EPHB1: variants seen among roughly 807,000 people sequenced by gnomAD.
EPHB1 encodes the protein ephrin type-B receptor 1.
In EPHB1, 30 loss-of-function variants were observed where a neutral mutation model predicts 94.4. That is an observed-to-expected ratio of 0.32 (90% CI 0.24 to 0.43). The LOEUF is 0.43. Among genes scored for constraint, EPHB1 ranks in the 20% least tolerant of loss-of-function variants. The pLI is 1.00. For missense variants in EPHB1, 1,055 were observed against 1,308.3 expected (o/e 0.81, Z 2.99); for synonymous variants, 522 against 489.1 (o/e 1.07, Z -0.89).
chr3:134,932,809 A>G (rs1386331101), intron 2 of EPHB1, among the ~76,000 whole-genome samples: 1 of 152,236 alleles, frequency 6.6e-6, no homozygotes, highest in East Asian at 1.9e-4. Flanking sequence ...TCCAAGAGAA[A>G]TTTAGCTCTG....
At chr3:135,156,151 A>C (rs1941347949) in intron 6 of EPHB1, among the ~76,000 whole-genome samples, 1 of 151,990 alleles carries the variant, frequency 6.6e-6, no homozygotes, top group African/African-American at 2.4e-5. Flanking sequence ...ATCTGATGTG[A>C]GGAAAGGAAC....
At chr3:134,882,774 CT>C (rs56405093) in intron 1 of EPHB1, among the ~76,000 whole-genome samples, 46 of 52,468 alleles carry the variant, frequency 8.8e-4, no homozygotes, top group East Asian at 3.0e-3. Flanking sequence ...TCCTTTCTTT[CT>C]TTCTTTCTTT....
chr3:134,820,671 G>A (rs920235780), intron 1 of EPHB1, among the ~76,000 whole-genome samples: 13 of 152,206 alleles, frequency 8.5e-5, no homozygotes, highest in African/African-American at 2.6e-4. Flanking sequence ...GTATTTATCT[G>A]TGTTTGCCTG....
At chr3:135,068,651 T>TG (rs1426872690) in intron 3 of EPHB1, among the ~76,000 whole-genome samples, 3 of 149,692 alleles carry the variant, frequency 2.0e-5, no homozygotes, top group African/African-American at 7.7e-5. Flanking sequence ...TTTTTAATTT[T>TG]TTTTTTTTTG....
intron 5 of EPHB1, among the ~76,000 whole-genome samples, chr3:135,149,857 C>T (rs1397549578): frequency 1.3e-5 from 2 of 152,168 alleles, no homozygotes; most frequent in Non-Finnish European, 2.9e-5. Flanking sequence ...TTCCCAGACC[C>T]GAGTGCCGCT....
intron 11 of EPHB1, among the ~76,000 whole-genome samples, chr3:135,197,139 G>A (rs551954955): frequency 4.6e-5 from 7 of 151,608 alleles, no homozygotes; most frequent in Non-Finnish European, 7.4e-5. Flanking sequence ...AATAATAAGC[G>A]AAACAATTCC....
At chr3:134,848,594 A>G (rs2036920142) in intron 1 of EPHB1, among the ~76,000 whole-genome samples, 1 of 152,230 alleles carries the variant, frequency 6.6e-6, no homozygotes, top group African/African-American at 2.4e-5. Flanking sequence ...TAATATTGAC[A>G]ATTTAAAATA....
intron 3 of EPHB1, among the ~76,000 whole-genome samples, chr3:135,044,858 A>G (rs534072607): frequency 3.3e-5 from 5 of 152,138 alleles, no homozygotes; most frequent in African/African-American, 1.2e-4. Context: ...GCATTATAGT[A>G]TAGAAATGTT....
At chr3:135,117,930 C>T (rs190724044) in intron 4 of EPHB1, among the ~76,000 whole-genome samples, 147 of 152,216 alleles carry the variant, frequency 9.7e-4, no homozygotes, top group African/African-American at 3.5e-3. Flanking sequence ...GGCAGAGGTG[C>T]CCAGAAGGTG....
chr3:135,191,886 T>C (rs1464246620), intron 10 of EPHB1, among the ~76,000 whole-genome samples: 1 of 152,206 alleles, frequency 6.6e-6, no homozygotes, highest in Non-Finnish European at 1.5e-5. Context: ...CCCCAGCCAA[T>C]GACTGAGCAT....
At chr3:135,161,142 C>G (rs1438558995) in intron 6 of EPHB1, among the ~76,000 whole-genome samples, 4 of 152,088 alleles carry the variant, frequency 2.6e-5, no homozygotes, top group Non-Finnish European at 5.9e-5. Flanking sequence ...GAAAAAGTCA[C>G]CTTTTAAGGG....
At chr3:135,248,255 T>C in intron 13 of EPHB1, 61 bp from the exon 14 acceptor site, 5 of 1,445,706 alleles carry the variant, frequency 3.5e-6, no homozygotes, top group South Asian at 1.5e-5. Context: ...AGGGGATAAT[T>C]TGTGAGTGAC....
Position 134,954,971 on chromosome 3 carries a change from A to T in EPHB1, c.805+2919A>T, listed in dbSNP as rs978363609. Among the ~76,000 whole-genome samples, 4 of 149,200 alleles carry T rather than the reference A, an allele frequency of 2.7e-5. No homozygotes were observed. The East Asian group carries it at 8.7e-4, about 33-fold the overall frequency. ...AAGAGAACAGGTGAGAGGGGAGTAG[A>T]GGAAGCTATGGGGAGAACTTGCGCA... is the stretch of plus-strand genomic sequence containing the variant. On this transcript the variant is annotated intron_variant, in intron 3 of 15. Transcript: ENST00000398015.
chr3:134,995,495 C>T (rs902083922), intron 3 of EPHB1, among the ~76,000 whole-genome samples: 24 of 152,080 alleles, frequency 1.6e-4, no homozygotes, highest in African/African-American at 5.6e-4. Flanking sequence ...ATTTTGTTTT[C>T]ATTTTTCTAG....
intron 3 of EPHB1, among the ~76,000 whole-genome samples, chr3:135,050,342 A>G (rs986083300): frequency 6.6e-6 from 1 of 152,236 alleles, no homozygotes; most frequent in Non-Finnish European, 1.5e-5. Context: ...CATGCCCCAA[A>G]TGGTAAGGAC....
intron 9 of EPHB1, among the ~76,000 whole-genome samples, chr3:135,167,956 G>A (rs1314756004): frequency 6.6e-6 from 1 of 152,144 alleles, no homozygotes; most frequent in Non-Finnish European, 1.5e-5. Context: ...CCACAGGGGG[G>A]TTCTTCTGGG....
At chr3:134,974,905 G>T (rs1934121249) in intron 3 of EPHB1, among the ~76,000 whole-genome samples, 1 of 86,566 alleles carries the variant, frequency 1.2e-5, no homozygotes, top group African/African-American at 7.0e-5. Flanking sequence ...CCTGTGCCTT[G>T]CACCTCCCTG....
intron 1 of EPHB1, among the ~76,000 whole-genome samples, chr3:134,889,910 C>A (rs956848060): frequency 2.0e-5 from 3 of 151,948 alleles, no homozygotes; most frequent in Admixed American, 6.6e-5. Context: ...AATCTCCTGA[C>A]CTCGTGATCC....
chr3:135,008,885 G>GTT (rs1935519688), intron 3 of EPHB1, among the ~76,000 whole-genome samples: 2 of 152,212 alleles, frequency 1.3e-5, no homozygotes, highest in Non-Finnish European at 2.9e-5. Context: ...AAAGAGTTCA[G>GTT]TGTGTCTTGA....
Sources: gnomAD v4.1 joint callset for allele counts (sites outside exome capture counted in the v4.1 genomes callset) on GRCh38, gnomAD v4.1.1 for gene constraint, MANE v1.5 for transcripts, NCBI Gene and HGNC (gene_info 2026-07-23, HGNC 2026-07-21) for gene names.